BAIAP2: variants seen among roughly 807,000 people sequenced by gnomAD.
BAIAP2 encodes the protein BAR/IMD domain containing adaptor protein 2, also known as BAR/IMD domain-containing adapter protein 2.
Under a neutral mutation model 63.0 loss-of-function variants are expected in BAIAP2, and 18 were observed. The observed-to-expected ratio is 0.29, with a 90% confidence interval of 0.20 to 0.42. BAIAP2 has a LOEUF of 0.42. Among genes scored for constraint, BAIAP2 ranks in the 10% least tolerant of loss-of-function variants. The pLI, the probability that BAIAP2 is intolerant of heterozygous loss-of-function variation, is 1.00. For synonymous variants in BAIAP2, 386 were observed against 307.6 expected (o/e 1.25, Z -2.67); for missense variants, 610 against 734.3 (o/e 0.83, Z 1.96).
At chr17:81,093,405 A>AGG (rs35461600) in intron 6 of BAIAP2, among the ~76,000 whole-genome samples, 32,917 of 152,098 alleles carry the variant, frequency 0.22, 3,798 homozygotes, top group Non-Finnish European at 0.25. Context: ...CGGGGCTACA[A>AGG]GGAGAGCCAG....
intron 10 of BAIAP2, 133 bp downstream of exon 10, chr17:81,104,848 C>T: frequency 1.0e-6 from 1 of 981,242 alleles, no homozygotes; most frequent in Non-Finnish European, 1.5e-6. Flanking sequence ...CGTAGAAGAC[C>T]TGGGCAGTGA....
chr17:81,115,955 TCTTGCCCCA>T lies in BAIAP2; in HGVS notation c.*121_*129del. The T allele has an allele frequency of 6.5e-7, 1 of 1,527,246 alleles. No homozygotes were observed. The highest frequency in any genetic ancestry group is 8.8e-7 in the Non-Finnish European group (1 of 1,137,464). 94.6% of individuals were successfully genotyped at this position (1,527,246 alleles called of 1,614,324 possible). The stretch of plus-strand genomic sequence containing the variant: ...GAACATCCAGGCCCCGGCTGCCTGG[TCTTGCCCCA>T]CTTGAGTCTGGCCTGGACTGGATCC... On this transcript the variant is annotated 3_prime_UTR_variant, in exon 14 of 14. Transcript: ENST00000428708.
At chr17:81,098,249 C>T (rs1031985098) in intron 6 of BAIAP2, 1 of 1,254,524 alleles carries the variant, frequency 8.0e-7, no homozygotes. Flanking sequence ...GCGCCTCTGC[C>T]CAGGATGGGA....
At position 81,085,389 on chromosome 17, in the gene BAIAP2, G is replaced by A. The variant is rs1329752709; in HGVS notation, c.280-265G>A. On this transcript the variant is annotated intron_variant, in intron 4 of 13. Coordinates refer to ENST00000428708, the MANE Select transcript of BAIAP2 (RefSeq NM_001144888.2). ...TCCCCAGCATGGGACAGCAGAGGAAGGAGGGGATGGCCGTTTGTTTCCCTT... is the reference window on the plus strand; with the variant it reads ...TCCCCAGCATGGGACAGCAGAGGAAAGAGGGGATGGCCGTTTGTTTCCCTT... 4 of 630,584 alleles carry A rather than the reference G, an allele frequency of 6.3e-6. No individual in the cohort carries two copies. The Admixed American group carries it at 8.9e-5, about 14-fold the overall frequency. 39.1% of individuals were successfully genotyped at this position (630,584 alleles called of 1,614,324 possible). A position where few individuals can be genotyped will look rare whatever the true frequency, so the allele number is the denominator to read the frequency against.
At chr17:81,036,987 TG>T (rs1177327801) in intron 1 of BAIAP2, 2 of 1,522,148 alleles carry the variant, frequency 1.3e-6, no homozygotes, top group Non-Finnish European at 1.8e-6. Context: ...GGTTTTGCTC[TG>T]GGGGACCGAC....
At chr17:81,112,418 A>C (rs542660278) in intron 13 of BAIAP2, among the ~76,000 whole-genome samples, 2 of 152,352 alleles carry the variant, frequency 1.3e-5, no homozygotes, top group African/African-American at 4.8e-5. Context: ...GGGGGTGTCG[A>C]AAGCCACTTG....
intron 1 of BAIAP2, among the ~76,000 whole-genome samples, chr17:81,050,484 C>G (rs554525747): frequency 6.6e-6 from 1 of 152,216 alleles, no homozygotes; most frequent in South Asian, 2.1e-4. Flanking sequence ...GTGGTTGGCC[C>G]TGGGTGGCTC....
chr17:81,093,915 C>A (rs891900786), intron 6 of BAIAP2, among the ~76,000 whole-genome samples: 8 of 152,168 alleles, frequency 5.3e-5, no homozygotes, highest in Non-Finnish European at 1.2e-4. Flanking sequence ...CAGGCTAAGG[C>A]TGTCTGTGGA....
At chr17:81,097,580 C>A (rs901757501) in intron 6 of BAIAP2, 1 of 152,394 alleles carries the variant, frequency 6.6e-6, no homozygotes, top group African/African-American at 2.4e-5. Context: ...GCGGAGGCCG[C>A]ATCTTCTTAA....
Position 81,059,502 on chromosome 17 carries a change from C to A in BAIAP2, c.217+1535C>A, listed in dbSNP as rs150286522. Among the ~76,000 whole-genome samples, 121 of 152,328 alleles carry A rather than the reference C, an allele frequency of 7.9e-4. 1 individual carries two copies. The highest frequency in any genetic ancestry group is 2.7e-3 in the African/African-American group (111 of 41,568). On this transcript the variant is annotated intron_variant, in intron 3 of 13. Transcript: ENST00000428708. ...TTGCTCTGTCGCCCAGGCTGGAATGCAGAACTATCGTGGCTCACTGTGGCC... is the reference window on the plus strand; with the variant it reads ...TTGCTCTGTCGCCCAGGCTGGAATGAAGAACTATCGTGGCTCACTGTGGCC...
intron 1 of BAIAP2, among the ~76,000 whole-genome samples, chr17:81,036,665 A>G (rs1036570976): frequency 2.0e-5 from 3 of 152,224 alleles, no homozygotes; most frequent in Admixed American, 6.5e-5. Context: ...CGTCGGAGCC[A>G]CTGGGAAACA....
At chr17:81,075,155 G>T (rs1216524991) in intron 3 of BAIAP2, among the ~76,000 whole-genome samples, 1 of 152,200 alleles carries the variant, frequency 6.6e-6, no homozygotes. Context: ...TTTGCATTCC[G>T]GCTGTGCCCA....
intron 1 of BAIAP2, among the ~76,000 whole-genome samples, chr17:81,043,552 C>T (rs566209418): frequency 2.4e-4 from 37 of 152,350 alleles, no homozygotes; most frequent in African/African-American, 7.9e-4. Context: ...GCTCTGGGGA[C>T]GGCTGGGCCC....
At chr17:81,079,021 A>G (rs1457424226) in intron 3 of BAIAP2, among the ~76,000 whole-genome samples, 1 of 151,882 alleles carries the variant, frequency 6.6e-6, no homozygotes, top group Non-Finnish European at 1.5e-5. Flanking sequence ...GTGGGGTCTC[A>G]CCGATCTCTG....
intron 13 of BAIAP2, chr17:81,109,095 G>C: frequency 1.3e-6 from 2 of 1,481,678 alleles, no homozygotes; most frequent in Non-Finnish European, 1.8e-6. Flanking sequence ...GTTTGTTCTT[G>C]GGTTGTTTTT....
chr17:81,085,648 G>A lies in BAIAP2; in HGVS notation c.280-6G>A. On this transcript the variant is annotated splice_region_variant and splice_polypyrimidine_tract_variant and intron_variant, in intron 4 of 13. Transcript: ENST00000428708. ...GACGGCTGATGTGTTTTCTCTCCAT[G>A]TCCAGCTGAAGTCTTTTCACAACGA... The A allele has an allele frequency of 1.2e-6, 2 of 1,613,192 alleles. No homozygotes were observed. Among genetic ancestry groups the A allele is most frequent in the South Asian group, 2.2e-5 (2 of 91,076 alleles).
At chr17:81,069,262 A>C (rs1300120590) in intron 3 of BAIAP2, among the ~76,000 whole-genome samples, 2 of 152,222 alleles carry the variant, frequency 1.3e-5, no homozygotes, top group Non-Finnish European at 2.9e-5. Context: ...ACATCACTGC[A>C]GGGCCAACTG....
At chr17:81,055,569 G>GGTTTTTTTTTTTTTTTTCTTTTT (rs138656369) in intron 2 of BAIAP2, among the ~76,000 whole-genome samples, 1 of 94,190 alleles carries the variant, frequency 1.1e-5, no homozygotes, top group South Asian at 4.1e-4. Context: ...TCTGCAGGGT[G>GGTTTTTTTTTTTTTTTTCTTTTT]TTTTGTTTTT....
At chr17:81,111,080 C>T in intron 13 of BAIAP2, 1 of 1,213,728 alleles carries the variant, frequency 8.2e-7, no homozygotes, top group Non-Finnish European at 1.2e-6. Context: ...GCCAGGGGTC[C>T]ACTGAGCCTG....
Sources: allele counts gnomAD v4.1 joint callset (sites outside exome capture counted in the v4.1 genomes callset), GRCh38; gene constraint gnomAD v4.1.1; transcripts MANE v1.5; gene names NCBI Gene and HGNC (gene_info 2026-07-23, HGNC 2026-07-21).